The following ARID2 variants were observed in gnomAD, a reference collection of about 807,000 sequenced individuals.
ARID2 encodes AT-rich interaction domain 2.
A neutral mutation model predicts 184.6 loss-of-function variants in ARID2; 32 were observed. The ratio of observed to expected loss-of-function variants is 0.17; its 90% CI spans 0.13 to 0.23. ARID2 has a LOEUF of 0.23. ARID2 is among the 10% of genes least tolerant of loss of function. The pLI, the probability that ARID2 is intolerant of heterozygous loss-of-function variation, is 1.00. For missense variants in ARID2, 1,696 were observed against 2,197.6 expected, an observed-to-expected ratio of 0.77 and a Z score of 4.56; for synonymous variants, 836 against 772.6, an observed-to-expected ratio of 1.08 and a Z score of -1.36.
chr12:45,836,161 A>G (rs964149950), intron 6 of ARID2, among the ~76,000 whole-genome samples: 4 of 152,226 alleles, frequency 2.6e-5, no homozygotes, highest in African/African-American at 4.8e-5. Flanking sequence ...ATGAACTAAA[A>G]ATAAGTAGAA....
At chr12:45,842,321 G>A (rs1943361931) in intron 11 of ARID2, 1 of 148,750 alleles carries the variant, frequency 6.7e-6, no homozygotes, top group Non-Finnish European at 1.5e-5. Context: ...ACATGTATAT[G>A]TATATATATA....
chr12:45,853,184 T>C (rs1943587931), intron 15 of ARID2, among the ~76,000 whole-genome samples: 1 of 152,168 alleles, frequency 6.6e-6, no homozygotes, highest in Non-Finnish European at 1.5e-5. Flanking sequence ...ATTTAAAAAA[T>C]GTATCTTAAT....
intron 11 of ARID2, among the ~76,000 whole-genome samples, chr12:45,844,988 G>A (rs1261970444): frequency 6.6e-6 from 1 of 152,160 alleles, no homozygotes; most frequent in African/African-American, 2.4e-5. Context: ...TTGAGTATCT[G>A]GAAATTGATT....
intron 6 of ARID2, among the ~76,000 whole-genome samples, chr12:45,834,847 T>C (rs983267970): frequency 6.6e-6 from 1 of 152,216 alleles, no homozygotes; most frequent in Non-Finnish European, 1.5e-5. Flanking sequence ...TTTCCACAGC[T>C]TTTTTCTTTT....
At chr12:45,770,376 G>T (rs2138023070) in intron 3 of ARID2, among the ~76,000 whole-genome samples, 1 of 152,166 alleles carries the variant, frequency 6.6e-6, no homozygotes. Flanking sequence ...TGGCCCCTTT[G>T]CCAGGGTCAC....
intron 3 of ARID2, among the ~76,000 whole-genome samples, chr12:45,733,433 G>A (rs1410850778): frequency 6.6e-6 from 1 of 152,164 alleles, no homozygotes; most frequent in Non-Finnish European, 1.5e-5. Context: ...AATAGTAATC[G>A]AGTGACTTGA....
chr12:45,805,525 T>C (rs925213262), intron 3 of ARID2, among the ~76,000 whole-genome samples: 1 of 152,062 alleles, frequency 6.6e-6, no homozygotes, highest in Non-Finnish European at 1.5e-5. Flanking sequence ...TATATAATGG[T>C]TATTATTGAG....
chr12:45,772,605 T>C (rs1009961673), intron 3 of ARID2, among the ~76,000 whole-genome samples: 10 of 152,136 alleles, frequency 6.6e-5, no homozygotes, highest in South Asian at 6.2e-4. Context: ...GCTATATTAA[T>C]ATCAGGCAAA....
In ARID2 at chr12:45,878,741, T is replaced by C. The variant is rs574369437; in HGVS notation, c.4923-13039T>C. 2.8e-4 allele frequency among the ~76,000 whole-genome samples: 42 copies of C among 152,290 alleles called. 1 individual carries two copies. Among genetic ancestry groups the C allele is most frequent in the Non-Finnish European group, 1.6e-4 (11 of 68,020 alleles). On this transcript the variant is annotated intron_variant, in intron 16 of 20. Transcript: ENST00000334344. ...CTGAGTCTGGTTCTAATGTTAGCTT[T>C]GCCTCTTCTGACCGTGTGTGTGGTG...
At chr12:45,836,475 T>G in intron 6 of ARID2, 114 bp from the exon 7 acceptor site, 1 of 998,254 alleles carries the variant, frequency 1.0e-6, no homozygotes, top group East Asian at 2.8e-5. Flanking sequence ...CTTGGCCTCT[T>G]AAAGTGCTGG....
intron 3 of ARID2, among the ~76,000 whole-genome samples, chr12:45,799,337 C>T (rs1346315456): frequency 2.6e-5 from 4 of 152,130 alleles, no homozygotes; most frequent in Non-Finnish European, 4.4e-5. Context: ...TATTTTGATA[C>T]TTGCTTTTCC....
At chr12:45,820,832 G>A (rs977896451) in intron 5 of ARID2, among the ~76,000 whole-genome samples, 7 of 152,228 alleles carry the variant, frequency 4.6e-5, no homozygotes, top group Middle Eastern at 3.4e-3. Flanking sequence ...GAGACAGAGC[G>A]TTATTAAGAA....
At chr12:45,809,663 T>A (rs1414855369) in intron 3 of ARID2, among the ~76,000 whole-genome samples, 1 of 152,184 alleles carries the variant, frequency 6.6e-6, no homozygotes, top group African/African-American at 2.4e-5. Flanking sequence ...TCTACAACCA[T>A]AAAGAAAAAT....
At chr12:45,869,308 C>T (rs1472002275) in intron 16 of ARID2, among the ~76,000 whole-genome samples, 1 of 152,116 alleles carries the variant, frequency 6.6e-6, no homozygotes, top group East Asian at 1.9e-4. Flanking sequence ...CGCCACCGTG[C>T]CCGGCCGCGA....
chr12:45,860,807 C>G lies in ARID2; in HGVS notation c.4780C>G (p.Pro1594Ala), dbSNP rs146219095. 1.0e-4 allele frequency: 160 copies of G among 1,587,544 alleles called. No homozygotes were observed. Among genetic ancestry groups the G allele is most frequent in the Admixed American group, 1.9e-4 (11 of 56,588 alleles). Reference sequence around the variant, plus strand: ...CATTTGTTCTTTTTCACAGAACACTCCTATGCCACCTTCACCAGCTGTACA... The same window carrying G: ...CATTTGTTCTTTTTCACAGAACACTGCTATGCCACCTTCACCAGCTGTACA... ...YVQNVVPQNT[P>A]MPPSPAVQVQ... Residue 1594 changes from proline to alanine, a missense_variant, in exon 16 of 21, where the codon CCT (proline) becomes GCT (alanine). Transcript: ENST00000334344.
At chr12:45,853,733 T>C (rs540540043) in intron 15 of ARID2, among the ~76,000 whole-genome samples, 98 of 152,348 alleles carry the variant, frequency 6.4e-4, no homozygotes, top group African/African-American at 2.3e-3. Context: ...CTTCTATGAC[T>C]ACTGCCAACT....
chr12:45,787,921 T>C (rs1315751863), intron 3 of ARID2, among the ~76,000 whole-genome samples: 1 of 152,200 alleles, frequency 6.6e-6, no homozygotes, highest in African/African-American at 2.4e-5. Context: ...CTCCTTTTGC[T>C]TTTCTAATCT....
chr12:45,777,041 C>T (rs1941997763), intron 3 of ARID2, among the ~76,000 whole-genome samples: 1 of 151,600 alleles, frequency 6.6e-6, no homozygotes, highest in Non-Finnish European at 1.5e-5. Flanking sequence ...ATCCACCTGC[C>T]TCGGCTTCCC....
At chr12:45,834,708 C>G (rs548022953) in intron 6 of ARID2, among the ~76,000 whole-genome samples, 2 of 152,222 alleles carry the variant, frequency 1.3e-5, no homozygotes, top group Non-Finnish European at 2.9e-5. Context: ...CCATTGCACT[C>G]TAGCCTGGGT....
Sources: gnomAD v4.1 joint callset for allele counts (sites outside exome capture counted in the v4.1 genomes callset) on GRCh38, gnomAD v4.1.1 for gene constraint, MANE v1.5 for transcripts, NCBI Gene and HGNC (gene_info 2026-07-23, HGNC 2026-07-21) for gene names.